Variants in SNTB1 observed in about 807,000 individuals in gnomAD.
SNTB1 encodes the protein syntrophin beta 1, also known as beta-1-syntrophin.
A neutral mutation model predicts 48.9 loss-of-function variants in SNTB1; 36 were observed. That is an observed-to-expected ratio of 0.74 (90% CI 0.56 to 0.97). SNTB1 has a LOEUF of 0.97. Among genes scored for constraint, SNTB1 ranks in the 50% least tolerant of loss-of-function variants. The pLI is 0.00. For missense variants in SNTB1, 786 were observed against 703.4 expected, an observed-to-expected ratio of 1.12 and a Z score of -1.33; for synonymous variants, 299 against 294.6, an observed-to-expected ratio of 1.01 and a Z score of -0.15.
chr8:120,636,001 A>G, intron 2 of SNTB1: 2 of 971,112 alleles, frequency 2.1e-6, no homozygotes, highest in Non-Finnish European at 2.8e-6. Flanking sequence ...ATTCAATAGA[A>G]CCAGAAGATC....
chr8:120,581,102 A>AG (rs1816042089), intron 3 of SNTB1, among the ~76,000 whole-genome samples: 1 of 123,992 alleles, frequency 8.1e-6, no homozygotes, highest in Non-Finnish European at 1.8e-5. Context: ...AAAAAAAAAA[A>AG]AAAAAGAGAA....
At chr8:120,739,530 A>C (rs919885759) in intron 1 of SNTB1, among the ~76,000 whole-genome samples, 6 of 152,214 alleles carry the variant, frequency 3.9e-5, no homozygotes, top group African/African-American at 1.4e-4. Flanking sequence ...GCAGGATCCT[A>C]ATAAACTAAA....
chr8:120,545,013 C>T (rs1048270207), intron 5 of SNTB1, among the ~76,000 whole-genome samples: 1 of 152,024 alleles, frequency 6.6e-6, no homozygotes. Flanking sequence ...TTGGAAAAAC[C>T]CTACTACATG....
At chr8:120,730,716 C>T (rs1166136919) in intron 1 of SNTB1, among the ~76,000 whole-genome samples, 8 of 152,130 alleles carry the variant, frequency 5.3e-5, no homozygotes, top group Non-Finnish European at 8.8e-5. Flanking sequence ...TTAATCTCAT[C>T]TTCTGTAAAG....
chr8:120,655,208 C>T (rs985852357), intron 2 of SNTB1, among the ~76,000 whole-genome samples: 15 of 151,762 alleles, frequency 9.9e-5, no homozygotes, highest in Non-Finnish European at 1.5e-4. Flanking sequence ...AAACCTTTTG[C>T]GATAATGTCA....
chr8:120,770,683 G>C (rs1002600369), intron 1 of SNTB1, among the ~76,000 whole-genome samples: 2 of 152,110 alleles, frequency 1.3e-5, no homozygotes, highest in African/African-American at 4.8e-5. Context: ...TGTGATGGCA[G>C]GCGCCGGTAA....
intron 1 of SNTB1, among the ~76,000 whole-genome samples, chr8:120,808,913 G>C (rs971988150): frequency 2.0e-5 from 3 of 151,998 alleles, no homozygotes; most frequent in African/African-American, 7.3e-5. Flanking sequence ...AAAAAAAAGG[G>C]TGCACTTGCT....
intron 2 of SNTB1, among the ~76,000 whole-genome samples, chr8:120,677,084 A>G (rs372074861): frequency 3.4e-4 from 51 of 149,660 alleles, no homozygotes; most frequent in African/African-American, 1.1e-3. Context: ...AAAAAACTTT[A>G]TACACAGAGA....
At chr8:120,695,797 A>G (rs1258665824) in intron 1 of SNTB1, among the ~76,000 whole-genome samples, 1 of 152,188 alleles carries the variant, frequency 6.6e-6, no homozygotes, top group Non-Finnish European at 1.5e-5. Flanking sequence ...ACACCAACAC[A>G]TATTTTCAAG....
intron 1 of SNTB1, among the ~76,000 whole-genome samples, chr8:120,789,131 T>C (rs1487313423): frequency 6.6e-6 from 1 of 151,972 alleles, no homozygotes; most frequent in African/African-American, 2.4e-5. Context: ...ACAAATCTGC[T>C]CCAGAATGAT....
chr8:120,631,414 T>A (rs1206159612), intron 3 of SNTB1, among the ~76,000 whole-genome samples: 1 of 152,234 alleles, frequency 6.6e-6, no homozygotes, highest in Non-Finnish European at 1.5e-5. Flanking sequence ...GACCCGCGCA[T>A]GATCTGCTGC....
At chr8:120,750,875 T>C (rs58755659) in intron 1 of SNTB1, among the ~76,000 whole-genome samples, 12,705 of 152,086 alleles carry the variant, frequency 0.084, 1,107 homozygotes, top group East Asian at 0.44. Flanking sequence ...GAAAAGCTCC[T>C]GCAGAATCTA....
At chr8:120,754,953 A>G (rs1183010393) in intron 1 of SNTB1, among the ~76,000 whole-genome samples, 1 of 152,142 alleles carries the variant, frequency 6.6e-6, no homozygotes, top group Non-Finnish European at 1.5e-5. Flanking sequence ...AAAAGACACA[A>G]TTTTGACTTG....
At chr8:120,809,139 A>G (rs1820387006) in intron 1 of SNTB1, among the ~76,000 whole-genome samples, 1 of 152,212 alleles carries the variant, frequency 6.6e-6, no homozygotes, top group South Asian at 2.1e-4. Context: ...GAGGATTGTG[A>G]TATTTGACTT....
At chr8:120,741,855 A>G (rs958843726) in intron 1 of SNTB1, among the ~76,000 whole-genome samples, 3 of 152,208 alleles carry the variant, frequency 2.0e-5, no homozygotes, top group African/African-American at 7.2e-5. Flanking sequence ...GGAGAAATAG[A>G]GAAGGAAGAG....
intron 5 of SNTB1, among the ~76,000 whole-genome samples, chr8:120,547,339 T>C (rs1168867059): frequency 1.3e-5 from 2 of 152,174 alleles, no homozygotes; most frequent in African/African-American, 4.8e-5. Context: ...CTCATGCCTG[T>C]AATCCCAGCA....
At chr8:120,620,888 CCCTTACCTCCAT>C (rs1291770770) in intron 3 of SNTB1, among the ~76,000 whole-genome samples, 1 of 144,724 alleles carries the variant, frequency 6.9e-6, no homozygotes, top group East Asian at 2.2e-4. Flanking sequence ...CTCCCTCCCT[CCCTTACCTCCAT>C]CCTTCCCTCT....
intron 2 of SNTB1, among the ~76,000 whole-genome samples, chr8:120,684,076 C>T (rs368605055): frequency 6.6e-6 from 1 of 152,150 alleles, no homozygotes; most frequent in East Asian, 1.9e-4. Flanking sequence ...GATCAAGACA[C>T]TAGCAGATTT....
At chr8:120,574,910 T>G (rs558207703) in intron 4 of SNTB1, among the ~76,000 whole-genome samples, 176 bp downstream of exon 4, 2 of 152,358 alleles carry the variant, frequency 1.3e-5, no homozygotes, top group South Asian at 4.1e-4. Flanking sequence ...TGTTGCTTCA[T>G]GTTTGGCCAT....
Sources: allele counts gnomAD v4.1 joint callset (sites outside exome capture counted in the v4.1 genomes callset), GRCh38; gene constraint gnomAD v4.1.1; transcripts MANE v1.5; gene names NCBI Gene and HGNC (gene_info 2026-07-23, HGNC 2026-07-21).